The following AFG2A variants were observed in gnomAD, a reference collection of about 807,000 sequenced individuals.
AFG2A encodes AAA ATPase AFG2A.
chr4:123,198,248 G>A, the AFG2A span, among the ~76,000 whole-genome samples: 57 of 146,906 alleles, frequency 3.9e-4, 2 homozygotes, highest in African/African-American at 1.3e-3. Flanking sequence ...CAGCCTAAAC[G>A]ACAGAGCTAC....
chr4:123,082,135 A>C, the AFG2A span, among the ~76,000 whole-genome samples: 1 of 152,092 alleles, frequency 6.6e-6, no homozygotes, highest in Non-Finnish European at 1.5e-5. Context: ...TTGTTTTAAT[A>C]ATGGCCAGCT....
At chr4:123,112,104 G>A in the AFG2A span, among the ~76,000 whole-genome samples, 1 of 152,040 alleles carries the variant, frequency 6.6e-6, no homozygotes, top group African/African-American at 2.4e-5. Context: ...GTGAATGAAT[G>A]GCTGGCTGAC....
the AFG2A span, among the ~76,000 whole-genome samples, chr4:123,097,066 A>AGT: frequency 6.6e-6 from 1 of 151,954 alleles, no homozygotes; most frequent in Non-Finnish European, 1.5e-5. Flanking sequence ...AAACCTTTGG[A>AGT]CTCAAGCAAT....
At chr4:122,973,568 TC>T in the AFG2A span, among the ~76,000 whole-genome samples, 1 of 152,200 alleles carries the variant, frequency 6.6e-6, no homozygotes, top group East Asian at 1.9e-4. Context: ...TTAGTGAATA[TC>T]CTATGTTTGT....
the AFG2A span, among the ~76,000 whole-genome samples, chr4:123,199,472 T>G: frequency 2.9e-5 from 4 of 135,684 alleles, no homozygotes; most frequent in Admixed American, 7.4e-5. Context: ...GTTTTTTTTT[T>G]TTTTTTTTTT....
chr4:123,032,073 A>T, the AFG2A span, among the ~76,000 whole-genome samples: 1 of 152,216 alleles, frequency 6.6e-6, no homozygotes, highest in Non-Finnish European at 1.5e-5. Context: ...TTACTATATG[A>T]AGAACTGTCA....
the AFG2A span, among the ~76,000 whole-genome samples, chr4:122,941,076 A>G: frequency 6.7e-6 from 1 of 149,822 alleles, no homozygotes; most frequent in South Asian, 2.1e-4. Context: ...TGATGCCTCC[A>G]GCTTTGTTCT....
At chr4:123,053,701 C>A in the AFG2A span, among the ~76,000 whole-genome samples, 7 of 152,192 alleles carry the variant, frequency 4.6e-5, no homozygotes, top group East Asian at 1.4e-3. Context: ...TCCCAGACTG[C>A]AGCAGGAGGG....
At chr4:123,202,477 A>G in the AFG2A span, among the ~76,000 whole-genome samples, 1 of 152,130 alleles carries the variant, frequency 6.6e-6, no homozygotes, top group African/African-American at 2.4e-5. Flanking sequence ...ATTTTGACAT[A>G]TGATACGTAC....
the AFG2A span, chr4:122,936,229 T>C: frequency 8.8e-7 from 1 of 1,130,204 alleles, no homozygotes; most frequent in Non-Finnish European, 1.3e-6. Flanking sequence ...ACTAGCACCT[T>C]ATACAAAGCA....
chr4:123,261,266 C>G, the AFG2A span, among the ~76,000 whole-genome samples: 55 of 152,270 alleles, frequency 3.6e-4, 1 homozygote, highest in Admixed American at 3.4e-3. Context: ...TCTTTGCTAT[C>G]TCTCTATTCT....
the AFG2A span, among the ~76,000 whole-genome samples, chr4:122,927,127 G>A: frequency 6.6e-6 from 1 of 152,114 alleles, no homozygotes; most frequent in Admixed American, 6.5e-5. Context: ...AATCACTAGT[G>A]GTGTGTGTTC....
At chr4:122,924,210 G>C in the AFG2A span, among the ~76,000 whole-genome samples, 1 of 152,148 alleles carries the variant, frequency 6.6e-6, no homozygotes, top group Non-Finnish European at 1.5e-5. Flanking sequence ...CCATTGACAT[G>C]TAAACATGCT....
At chr4:123,059,635 C>G in the AFG2A span, among the ~76,000 whole-genome samples, 136,195 of 149,908 alleles carry the variant, frequency 0.91, 62,113 homozygotes, top group East Asian at 0.97. Context: ...TGTCTTTATA[C>G]CAGCATGATT....
chr4:123,227,808 G>A, the AFG2A span, among the ~76,000 whole-genome samples: 1 of 152,072 alleles, frequency 6.6e-6, no homozygotes, highest in Non-Finnish European at 1.5e-5. Context: ...GTTGACAGTG[G>A]GGTGTTAAAG....
At chr4:123,231,723 G>C in the AFG2A span, among the ~76,000 whole-genome samples, 1 of 151,952 alleles carries the variant, frequency 6.6e-6, no homozygotes, top group Non-Finnish European at 1.5e-5. Flanking sequence ...TGTAAAGTGA[G>C]AGATGTGGGA....
the AFG2A span, among the ~76,000 whole-genome samples, chr4:122,948,387 TACACACACACACACACAC>T: frequency 0.011 from 1,470 of 129,616 alleles, 35 homozygotes; most frequent in African/African-American, 0.04. Flanking sequence ...CTCCAGAGTA[TACACACACACACACACAC>T]ACACACACAC....
chr4:123,261,018 C>T, the AFG2A span, among the ~76,000 whole-genome samples: 3 of 152,122 alleles, frequency 2.0e-5, no homozygotes, highest in African/African-American at 4.8e-5. Flanking sequence ...ACTATGCGTG[C>T]GAGGGATCTA....
At chr4:123,075,679 C>T in the AFG2A span, among the ~76,000 whole-genome samples, 5 of 148,886 alleles carry the variant, frequency 3.4e-5, no homozygotes, top group Non-Finnish European at 6.0e-5. Flanking sequence ...CTGAACTGGC[C>T]GGGCATGGTG....
Sources: gnomAD v4.1 joint callset for allele counts (sites outside exome capture counted in the v4.1 genomes callset) on GRCh38, gnomAD v4.1.1 for gene constraint, MANE v1.5 for transcripts, NCBI Gene and HGNC (gene_info 2026-07-23, HGNC 2026-07-21) for gene names.